The following ADAM12 variants were observed in gnomAD, a reference collection of about 807,000 sequenced individuals.
ADAM12 encodes disintegrin and metalloproteinase domain-containing protein 12.
In ADAM12, 70 loss-of-function variants were observed where a neutral mutation model predicts 106.4. The observed-to-expected ratio is 0.66, with a 90% confidence interval of 0.54 to 0.80. The LOEUF is 0.80. Ranked by LOEUF, ADAM12 falls within the 30% of genes least tolerant of loss-of-function variation. The pLI, the probability that ADAM12 is intolerant of heterozygous loss-of-function variation, is 0.00. For synonymous variants in ADAM12, 420 were observed against 433.5 expected, an observed-to-expected ratio of 0.97 and a Z score of 0.39; for missense variants, 1,010 against 1,171.9, an observed-to-expected ratio of 0.86 and a Z score of 2.02.
intron 3 of ADAM12, among the ~76,000 whole-genome samples, chr10:126,258,240 G>A (rs776377683): frequency 2.6e-5 from 4 of 152,126 alleles, no homozygotes; most frequent in Non-Finnish European, 5.9e-5. Flanking sequence ...ACTTTTATTT[G>A]CAATCTGTCT....
At chr10:126,263,550 A>C (rs930886941) in intron 3 of ADAM12, among the ~76,000 whole-genome samples, 1 of 152,042 alleles carries the variant, frequency 6.6e-6, no homozygotes, top group Admixed American at 6.6e-5. Context: ...TTTTTATTCA[A>C]TATGAACTAG....
rs566527849 is a variant in ADAM12 at position 126,020,077 on chromosome 10, T to G, written c.2530-252A>C. On this transcript the variant is annotated intron_variant, in intron 21 of 22. Transcript: ENST00000448723. The stretch of plus-strand genomic sequence containing the variant: ...ACTGCCCCTGGGCCCTGGGGTAGCG[T>G]TGATGTTGGGGTTTCTCTGTCAGTG... Among the ~76,000 whole-genome samples the G allele has an allele frequency of 3.3e-5, 5 of 152,310 alleles. No homozygotes were observed. The East Asian group carries it at 7.7e-4, about 24-fold the overall frequency.
intron 1 of ADAM12, among the ~76,000 whole-genome samples, chr10:126,347,136 G>C (rs1003864966): frequency 1.3e-5 from 2 of 152,154 alleles, no homozygotes; most frequent in African/African-American, 4.8e-5. Flanking sequence ...TTTACAATTT[G>C]GCATGTTTTT....
intron 14 of ADAM12, among the ~76,000 whole-genome samples, chr10:126,057,623 T>C (rs1323290635): frequency 2.6e-5 from 4 of 152,068 alleles, no homozygotes; most frequent in Admixed American, 1.3e-4. Flanking sequence ...GATGGTACCA[T>C]GGTGGGCTCT....
intron 2 of ADAM12, among the ~76,000 whole-genome samples, chr10:126,305,206 A>G (rs1456610674): frequency 6.6e-6 from 1 of 152,186 alleles, no homozygotes; most frequent in Middle Eastern, 3.4e-3. Context: ...CAAAACTTGA[A>G]TCAACCCAAA....
At chr10:126,059,338 C>A (rs1464884482) in intron 14 of ADAM12, among the ~76,000 whole-genome samples, 1 of 152,210 alleles carries the variant, frequency 6.6e-6, no homozygotes, top group Admixed American at 6.5e-5. Context: ...CTAACATCCA[C>A]AGACAAAGGC....
chr10:126,075,689 A>T lies in ADAM12; in HGVS notation c.1146-4035T>A, dbSNP rs115162272. ...AAGGTGTGAGTGCACCTCGGGAAAG[A>T]GCTGGTACAAGTGTCTGCAGACAGG... On this transcript the variant is annotated intron_variant, in intron 11 of 22. Transcript: ENST00000448723. 2.6e-3 allele frequency among the ~76,000 whole-genome samples: 399 copies of T among 152,312 alleles called. 2 individuals are homozygous for T. The highest frequency in any genetic ancestry group is 9.0e-3 in the African/African-American group (373 of 41,576).
At chr10:126,377,285 A>C (rs1049582796) in intron 1 of ADAM12, among the ~76,000 whole-genome samples, 3 of 152,176 alleles carry the variant, frequency 2.0e-5, no homozygotes, top group Non-Finnish European at 4.4e-5. Context: ...GAGTTTATTA[A>C]GGAGTATTAA....
intron 18 of ADAM12, among the ~76,000 whole-genome samples, chr10:126,040,543 G>C (rs975639351): frequency 6.6e-6 from 1 of 152,114 alleles, no homozygotes; most frequent in East Asian, 1.9e-4. Flanking sequence ...ATGTGTCTTA[G>C]CCTAAGCAAG....
chr10:126,361,906 C>T (rs1260894234), intron 1 of ADAM12, among the ~76,000 whole-genome samples: 1 of 151,888 alleles, frequency 6.6e-6, no homozygotes, highest in Non-Finnish European at 1.5e-5. Flanking sequence ...CCCAAAAGCT[C>T]AGGCAATAAA....
intron 3 of ADAM12, among the ~76,000 whole-genome samples, chr10:126,208,908 G>T (rs1957848746): frequency 6.7e-6 from 1 of 149,578 alleles, no homozygotes; most frequent in African/African-American, 2.5e-5. Context: ...ACATCCCCTA[G>T]CCTATACAAA....
In ADAM12 at chr10:126,053,326, TAC is replaced by T. The variant is rs1405876324; in HGVS notation, c.1610-3659_1610-3658del. On this transcript the variant is annotated intron_variant, in intron 14 of 22. Transcript: ENST00000448723. The surrounding 1 kb of genome is among the most constrained non-coding windows in gnomAD (Gnocchi z 4.6). ...TTATAGCAGTGTGAGAACAGACTAA[TAC>T]AGGGTGTGCTTATGATTGTAATGCC... Among the ~76,000 whole-genome samples the T allele has an allele frequency of 6.6e-6, 1 of 152,180 alleles. No homozygotes were observed. The highest frequency in any genetic ancestry group is 1.5e-5 in the Non-Finnish European group (1 of 68,022).
chr10:126,174,834 G>T (rs1206094616), intron 3 of ADAM12, among the ~76,000 whole-genome samples: 6 of 150,530 alleles, frequency 4.0e-5, no homozygotes, highest in African/African-American at 1.5e-4. Flanking sequence ...CTCACTGCAA[G>T]CTCCGCCTTC....
At chr10:126,098,319 T>G (rs1955594787) in intron 10 of ADAM12, 97 bp downstream of exon 10, 2 of 966,450 alleles carry the variant, frequency 2.1e-6, no homozygotes, top group Non-Finnish European at 3.3e-6. Context: ...TAAAAAGCAT[T>G]AAAGGAAAGG....
intron 4 of ADAM12, among the ~76,000 whole-genome samples, chr10:126,137,532 C>T (rs1021067965): frequency 2.6e-5 from 4 of 152,194 alleles, no homozygotes; most frequent in African/African-American, 9.7e-5. Flanking sequence ...TATTCATTAG[C>T]AGTCACTTTC....
intron 1 of ADAM12, among the ~76,000 whole-genome samples, chr10:126,370,439 T>A (rs1286631765): frequency 1.3e-5 from 2 of 152,230 alleles, no homozygotes; most frequent in Non-Finnish European, 2.9e-5. Flanking sequence ...ACTTAATTAT[T>A]AAACAGTAAG....
chr10:126,065,803 C>T lies in ADAM12; in HGVS notation c.1414-802G>A, dbSNP rs140847413. 5.8e-4 allele frequency among the ~76,000 whole-genome samples: 89 copies of T among 152,270 alleles called. 1 individual carries two copies. Among genetic ancestry groups the T allele is most frequent in the Non-Finnish European group, 1.0e-3 (68 of 68,030 alleles). On this transcript the variant is annotated intron_variant, in intron 13 of 22. Transcript: ENST00000448723. ...AGGCATTGCCCTGTGGTCCTCCCTC[C>T]CCTTACTTGGGCATCCCCTGGGCAC...
At chr10:126,051,666 C>G in intron 14 of ADAM12, among the ~76,000 whole-genome samples, 1 of 151,944 alleles carries the variant, frequency 6.6e-6, no homozygotes, top group Non-Finnish European at 1.5e-5. Flanking sequence ...GCCACCCATC[C>G]ATCCAGCCAG....
chr10:126,182,934 T>G (rs578222051), intron 3 of ADAM12, among the ~76,000 whole-genome samples: 8 of 152,362 alleles, frequency 5.3e-5, no homozygotes, highest in African/African-American at 1.9e-4. Flanking sequence ...TGTTAGGAAC[T>G]GGGCCACACA....
Sources: allele counts gnomAD v4.1 joint callset (sites outside exome capture counted in the v4.1 genomes callset), GRCh38; gene constraint gnomAD v4.1.1; non-coding constraint Gnocchi (gnomAD v3.1); transcripts MANE v1.5; gene names NCBI Gene and HGNC (gene_info 2026-07-23, HGNC 2026-07-21).